ITGB8: variants seen among roughly 807,000 people sequenced by gnomAD.
The protein encoded by ITGB8 is integrin beta-8.
ITGB8 carries 30 observed loss-of-function variants against 89.5 expected under a neutral mutation model. The observed-to-expected ratio is 0.34, with a 90% CI of 0.25 to 0.45. The LOEUF (loss-of-function observed/expected upper bound fraction) is 0.45. Among genes scored for constraint, ITGB8 ranks in the 20% least tolerant of loss-of-function variants. The probability of loss-of-function intolerance (pLI) is 1.00; values close to 1 mark genes in which losing one functional copy is unlikely to be tolerated. For missense variants in ITGB8, 836 were observed against 933.3 expected (o/e 0.90, Z 1.36); for synonymous variants, 335 against 320.4 (o/e 1.05, Z -0.49).
intron 3 of ITGB8, among the ~76,000 whole-genome samples, chr7:20,367,615 C>T (rs1213769831): frequency 6.6e-6 from 1 of 151,392 alleles, no homozygotes; most frequent in African/African-American, 2.4e-5. Context: ...ATCAAGCAAT[C>T]AATATTTTTG....
intron 12 of ITGB8, among the ~76,000 whole-genome samples, chr7:20,406,445 G>A (rs975076058): frequency 6.6e-6 from 1 of 152,044 alleles, no homozygotes; most frequent in African/African-American, 2.4e-5. Context: ...ACCTACTCAG[G>A]AGGCATAGGC....
chr7:20,335,425 A>G (rs924594390), intron 1 of ITGB8, among the ~76,000 whole-genome samples: 15 of 152,226 alleles, frequency 9.9e-5, no homozygotes, highest in African/African-American at 3.4e-4. Context: ...GAAAAACAAC[A>G]TGAGTAAATC....
Position 20,363,618 on chromosome 7 carries a change from G to A in ITGB8, c.128-19G>A. The A allele has an allele frequency of 6.8e-7, 1 of 1,474,906 alleles. No individual in the cohort carries two copies. Among genetic ancestry groups the A allele is most frequent in the South Asian group, 1.3e-5 (1 of 77,738 alleles). 91.4% of individuals were successfully genotyped at this position (1,474,906 alleles called of 1,614,324 possible). On this transcript the variant is annotated intron_variant, in intron 1 of 13. Coordinates refer to ENST00000222573, the MANE Select transcript of ITGB8 (RefSeq NM_002214.3). ...TCTATTTTGAGAGTAAATTATAACT[G>A]TTTTCTCCTTCATTGCAGAAGACAA...
Position 20,409,720 on chromosome 7 carries a change from A to G in ITGB8, c.2129A>G (p.Gln710Arg). The G allele has an allele frequency of 6.2e-7, 1 of 1,611,356 alleles. No homozygotes were observed. The highest frequency in any genetic ancestry group is 8.5e-7 in the Non-Finnish European group (1 of 1,177,970). Residue 710 changes from glutamine (Q) to arginine (R), a missense_variant, in exon 13 of 14, where the codon CAA (glutamine) becomes CGA (arginine). Around this residue, in one of 5 missense-constraint regions of ITGB8, gnomAD observed 422 missense variants for 416.9 expected, o/e 1.01. Transcript: ENST00000222573. The stretch of plus-strand genomic sequence containing the variant: ...CTGATCATTAGACAGGTGATACTAC[A>G]ATGGAATAGTAATAAAATTAAGTCC... Reference protein sequence around the residue: ...KVLIIRQVILQWNSNKIKSSS... With the variant: ...KVLIIRQVILRWNSNKIKSSS...
At chr7:20,400,956 T>C (rs1787284069) in intron 9 of ITGB8, among the ~76,000 whole-genome samples, 1 of 152,128 alleles carries the variant, frequency 6.6e-6, no homozygotes, top group African/African-American at 2.4e-5. Context: ...GAACATCTTA[T>C]CTCAGGGTTT....
intron 9 of ITGB8, 50 bp from the exon 10 acceptor site, chr7:20,401,670 TA>T: frequency 1.8e-6 from 2 of 1,098,360 alleles, no homozygotes; most frequent in Non-Finnish European, 2.5e-6. Flanking sequence ...ATATTGGTAA[TA>T]AAAATAATTA....
intron 1 of ITGB8, among the ~76,000 whole-genome samples, chr7:20,361,219 A>G (rs1414186616): frequency 3.3e-5 from 5 of 152,184 alleles, no homozygotes; most frequent in South Asian, 4.1e-4. Context: ...TGCCAACACA[A>G]AAGTCTTACC....
At chr7:20,397,294 T>G (rs1787124668) in intron 8 of ITGB8, among the ~76,000 whole-genome samples, 1 of 152,162 alleles carries the variant, frequency 6.6e-6, no homozygotes, top group Non-Finnish European at 1.5e-5. Flanking sequence ...TGGCGAGATC[T>G]TGACTCACTG....
intron 1 of ITGB8, among the ~76,000 whole-genome samples, chr7:20,357,848 A>G (rs1291695454): frequency 6.6e-6 from 1 of 152,268 alleles, no homozygotes; most frequent in Non-Finnish European, 1.5e-5. Context: ...GCACATGCTA[A>G]CAAATCCAGA....
At position 20,415,463 on chromosome 7, in the gene ITGB8, G is replaced by C. The variant is rs955025293; in HGVS notation, c.*5466G>C. On this transcript the variant is annotated 3_prime_UTR_variant, in exon 14 of 14. Coordinates refer to ENST00000222573, the MANE Select transcript of ITGB8 (RefSeq NM_002214.3). ...ACTGAACATATTTCTTATTATTTCTGGCTTTGAATTATACGTAACTTAAAT... is the reference window on the plus strand; with the variant it reads ...ACTGAACATATTTCTTATTATTTCTCGCTTTGAATTATACGTAACTTAAAT... 2 of 152,268 alleles carry C rather than the reference G, an allele frequency of 1.3e-5. No individual in the cohort carries two copies. Among genetic ancestry groups the C allele is most frequent in the Non-Finnish European group, 2.9e-5 (2 of 67,892 alleles). The allele number at this position is 152,268 out of a possible 1,614,324, so 9.4% of individuals were successfully genotyped here. A position where few individuals can be genotyped will look rare whatever the true frequency, so the allele number is the denominator to read the frequency against.
chr7:20,360,348 A>ATTTTTTTTTTTTTTTTTTT (rs71020629), intron 1 of ITGB8, among the ~76,000 whole-genome samples: 2 of 127,722 alleles, frequency 1.6e-5, no homozygotes, highest in African/African-American at 3.0e-5. Context: ...CAGTCCTTTA[A>ATTTTTTTTTTTTTTTTTTT]TTTTTTTTTT....
At chr7:20,382,121 G>C (rs1032016327) in intron 6 of ITGB8, 4 of 376,774 alleles carry the variant, frequency 1.1e-5, no homozygotes, top group South Asian at 8.1e-5. Flanking sequence ...GAATGACAAA[G>C]CACTGTATAA....
At chr7:20,394,234 G>T (rs754504078) in intron 7 of ITGB8, among the ~76,000 whole-genome samples, 11 of 152,276 alleles carry the variant, frequency 7.2e-5, no homozygotes, top group Admixed American at 2.0e-4. Context: ...CTATAAGTAC[G>T]TGCCCTTTAG....
chr7:20,407,866 C>T (rs143184011), intron 12 of ITGB8, among the ~76,000 whole-genome samples: 1 of 152,318 alleles, frequency 6.6e-6, no homozygotes, highest in Non-Finnish European at 1.5e-5. Context: ...CCACTCATAG[C>T]ATTTAAATAT....
chr7:20,344,163 G>A (rs1045543609), intron 1 of ITGB8, among the ~76,000 whole-genome samples: 1 of 151,904 alleles, frequency 6.6e-6, no homozygotes, highest in Non-Finnish European at 1.5e-5. Context: ...GGCAGAGATG[G>A]GTGGTTTGGG....
intron 1 of ITGB8, among the ~76,000 whole-genome samples, chr7:20,336,754 C>A (rs975751121): frequency 6.6e-6 from 1 of 152,182 alleles, no homozygotes; most frequent in African/African-American, 2.4e-5. Context: ...TATGGACACA[C>A]CCACCTGTGA....
Position 20,366,994 on chromosome 7 carries a change from T to A in ITGB8, c.214-18T>A, listed in dbSNP as rs1185144158. 16 of 1,583,686 alleles carry A rather than the reference T, an allele frequency of 1.0e-5. No individual in the cohort carries two copies. The highest frequency in any genetic ancestry group is 1.8e-5 in the Admixed American group (1 of 54,888). On this transcript the variant is annotated intron_variant, in intron 2 of 13. Coordinates refer to ENST00000222573, the MANE Select transcript of ITGB8 (RefSeq NM_002214.3). ...GATATACACTAAAAACATCAGTGAT[T>A]TTCTTTCTTTTAAACAGGATTTCAT...
chr7:20,367,557 G>T (rs539955884), intron 3 of ITGB8, among the ~76,000 whole-genome samples: 2 of 152,208 alleles, frequency 1.3e-5, no homozygotes, highest in Admixed American at 1.3e-4. Context: ...GTAAGTATTT[G>T]TTAGCTTGAT....
intron 3 of ITGB8, among the ~76,000 whole-genome samples, chr7:20,374,839 A>T (rs1160116838): frequency 6.6e-6 from 1 of 152,158 alleles, no homozygotes; most frequent in Non-Finnish European, 1.5e-5. Context: ...GGCATTGGCC[A>T]TCTGGTGGAG....
Sources: allele counts gnomAD v4.1 joint callset (sites outside exome capture counted in the v4.1 genomes callset), GRCh38; gene constraint gnomAD v4.1.1; regional missense constraint gnomAD v4.1.1; transcripts MANE v1.5; gene names NCBI Gene and HGNC (gene_info 2026-07-23, HGNC 2026-07-21).